The following AMMECR1L variants were observed in gnomAD, a reference collection of about 807,000 sequenced individuals.
AMMECR1L encodes the protein AMMECR1 like.
Under a neutral mutation model 36.8 loss-of-function variants are expected in AMMECR1L, and 4 were observed. The observed-to-expected ratio is 0.11, with a 90% CI of 0.05 to 0.25. AMMECR1L has a LOEUF of 0.25. Among genes scored for constraint, AMMECR1L ranks in the 10% least tolerant of loss-of-function variants. AMMECR1L has a pLI of 1.00. For synonymous variants in AMMECR1L, 147 were observed against 148.0 expected (o/e 0.99, Z 0.05); for missense variants, 232 against 392.1 (o/e 0.59, Z 3.45).
In AMMECR1L at chr2:127,865,071, G is replaced by A. The variant is rs775901771; in HGVS notation, c.*23C>T. The A allele has an allele frequency of 2.5e-6, 4 of 1,578,990 alleles. No individual in the cohort carries two copies. Among genetic ancestry groups the A allele is most frequent in the South Asian group, 2.2e-5 (2 of 89,794 alleles). On this transcript the variant is annotated 3_prime_UTR_variant, in exon 8 of 8. Coordinates refer to ENST00000272647, the MANE Select transcript of AMMECR1L (RefSeq NM_001199140.2). This position sits in a 1 kb window ranked among gnomAD's most constrained non-coding sequence, Gnocchi z 5.4. ...TAGCCATTGGTGGCCACGGGGGGGT[G>A]GGACTGGTCATGCAGCCGTGTGTCA...
At chr2:127,884,138 G>A (rs1261908290) in intron 2 of AMMECR1L, 65 bp downstream of exon 2, 3 of 152,172 alleles carry the variant, frequency 2.0e-5, no homozygotes, top group Non-Finnish European at 4.4e-5. Flanking sequence ...CAAAATCCTA[G>A]CACATGCCTA....
rs13395442 is a variant in AMMECR1L at position 127,882,672 on chromosome 2, C to T, written c.-39+1531G>A. 9.9e-3 allele frequency among the ~76,000 whole-genome samples: 1,512 copies of T among 152,208 alleles called. 25 individuals are homozygous for T. The highest frequency in any genetic ancestry group is 0.034 in the African/African-American group (1,407 of 41,536). Reference sequence around the variant, plus strand: ...GCAGTGGTACAATCACAGCTCAATGCGGCTTTGAACTTCTGTGCTCAAGAG... The same window carrying T: ...GCAGTGGTACAATCACAGCTCAATGTGGCTTTGAACTTCTGTGCTCAAGAG... On this transcript the variant is annotated intron_variant, in intron 2 of 7. Transcript: ENST00000272647.
In AMMECR1L at chr2:127,862,731, A is replaced by C. The variant is rs2104735766; in HGVS notation, c.*2363T>G. The C allele has an allele frequency of 6.6e-6, 1 of 152,468 alleles. No individual in the cohort carries two copies. The highest frequency in any genetic ancestry group is 2.4e-5 in the African/African-American group (1 of 41,464). 9.4% of individuals were successfully genotyped at this position (152,468 alleles called of 1,614,324 possible). A position where few individuals can be genotyped will look rare whatever the true frequency, so the allele number is the denominator to read the frequency against. ...GGAGTAAGGCTTCTTCACTCCAAAA[A>C]CCACTGAGCCCACTTCAGTGTGGTG... On this transcript the variant is annotated 3_prime_UTR_variant, in exon 8 of 8. Coordinates refer to ENST00000272647, the MANE Select transcript of AMMECR1L (RefSeq NM_001199140.2).
intron 1 of AMMECR1L, chr2:127,885,543 C>T (rs1573574163): frequency 1.0e-6 from 1 of 983,028 alleles, no homozygotes; most frequent in African/African-American, 1.7e-5. Context: ...CCGAGCCTCG[C>T]GGCCCGGGGC....
Position 127,869,524 on chromosome 2 carries a change from T to C in AMMECR1L, c.654A>G (p.Arg218=), listed in dbSNP as rs1471124658. 6.2e-7 allele frequency: 1 copy of C among 1,614,052 alleles called. No individual in the cohort carries two copies. Among genetic ancestry groups the C allele is most frequent in the South Asian group, 1.1e-5 (1 of 91,082 alleles). ...LDWEVGVHGI[R]IEFINEKGVK... ...CACCTTTTTCATTAATGAATTCAATTCGAATCCCATGGACCCCTACCTATA... is the reference window on the plus strand; with the variant it reads ...CACCTTTTTCATTAATGAATTCAATCCGAATCCCATGGACCCCTACCTATA... The change falls in exon 6 of 8, where the codon CGA becomes CGG. Residue 218 remains arginine (R), a synonymous_variant. Coordinates refer to ENST00000272647, the MANE Select transcript of AMMECR1L (RefSeq NM_001199140.2). This position sits in a 1 kb window ranked among gnomAD's most constrained non-coding sequence, Gnocchi z 4.7.
In AMMECR1L at chr2:127,885,242, A is replaced by G. The variant is rs1310388894; in HGVS notation, c.-149+568T>C. 2 of 984,848 alleles carry G rather than the reference A, an allele frequency of 2.0e-6. 1 individual carries two copies. The highest frequency in any genetic ancestry group is 9.4e-5 in the South Asian group (2 of 21,268). 61.0% of individuals were successfully genotyped at this position (984,848 alleles called of 1,614,324 possible). ...GTGTGAAGAGTGTTAAGAAAACGAC[A>G]GGACAGAGCGGGGAGGGGAAAAGCG... On this transcript the variant is annotated intron_variant, in intron 1 of 7. Coordinates refer to ENST00000272647, the MANE Select transcript of AMMECR1L (RefSeq NM_001199140.2).
In AMMECR1L at chr2:127,875,155, AT is replaced by A. The variant is rs34145290; in HGVS notation, c.-38-884del. On this transcript the variant is annotated intron_variant, in intron 2 of 7. Coordinates refer to ENST00000272647, the MANE Select transcript of AMMECR1L (RefSeq NM_001199140.2). ...CTGATGATGCGAAGGGAAGGAAGGGATTTTTTTTTTAATTGTTTTTTTCTTT... is the reference window on the plus strand; with the variant it reads ...CTGATGATGCGAAGGGAAGGAAGGGATTTTTTTTTAATTGTTTTTTTCTTT... Among the ~76,000 whole-genome samples the A allele has an allele frequency of 2.2e-4, 33 of 150,454 alleles. 1 individual carries two copies. The highest frequency in any genetic ancestry group is 6.1e-4 in the African/African-American group (25 of 40,970).
At position 127,885,846 on chromosome 2, in the gene AMMECR1L, G is replaced by A; in HGVS notation, c.-185C>T. On this transcript the variant is annotated 5_prime_UTR_variant, in exon 1 of 8. Transcript: ENST00000272647. ...GCCCAGACGCGGCTGGGGCGGACGG[G>A]ACCTCTCGCGCTCTGCCTCCTCCTC... 3.0e-6 allele frequency: 3 copies of A among 985,710 alleles called. No individual in the cohort carries two copies. Among genetic ancestry groups the A allele is most frequent in the Non-Finnish European group, 3.6e-6 (3 of 829,904 alleles). The allele number at this position is 985,710 out of a possible 1,614,324, so 61.1% of individuals were successfully genotyped here. A position where few individuals can be genotyped will look rare whatever the true frequency, so the allele number is the denominator to read the frequency against.
rs917631115 is a variant in AMMECR1L at position 127,862,027 on chromosome 2, T to C, written c.*3067A>G. On this transcript the variant is annotated 3_prime_UTR_variant, in exon 8 of 8. Coordinates refer to ENST00000272647, the MANE Select transcript of AMMECR1L (RefSeq NM_001199140.2). ...AAAGGGTCTCTAACATGAGTTGTTT[T>C]ATTATTATGAAGCAAAAAAGTTTTA... 1 of 152,640 alleles carries C rather than the reference T, an allele frequency of 6.6e-6. No individual in the cohort carries two copies. The highest frequency in any genetic ancestry group is 1.5e-5 in the Non-Finnish European group (1 of 68,046). The allele number at this position is 152,640 out of a possible 1,614,324, so 9.5% of individuals were successfully genotyped here.
rs1022201646 is a variant in AMMECR1L, at chr2:127,870,849, T to C, written c.598A>G (p.Asn200Asp). 32 of 1,612,936 alleles carry C rather than the reference T, an allele frequency of 2.0e-5. No homozygotes were observed. The highest frequency in any genetic ancestry group is 1.3e-5 in the African/African-American group (1 of 74,762). Residue 200 changes from asparagine (N) to aspartate (D), a missense_variant, in exon 5 of 8, where the codon AAC (asparagine) becomes GAC (aspartate). Transcript: ENST00000272647. ...AGGTAATCACTGGCATCCTCAAAGT[T>C]AGTAAGGAGGGAGACAGAGCAGAAA... ...KLFCSVSLLT[N>D]FEDASDYLDW...
chr2:127,861,681 G>A lies in AMMECR1L; in HGVS notation c.*3413C>T, dbSNP rs1690475118. On this transcript the variant is annotated 3_prime_UTR_variant, in exon 8 of 8. Coordinates refer to ENST00000272647, the MANE Select transcript of AMMECR1L (RefSeq NM_001199140.2). ...ACAATACTTCGTTAAAGTGTTCAAT[G>A]ATTTGCACTCAGAAGTTATATAGCC... 1 of 152,194 alleles carries A rather than the reference G, an allele frequency of 6.6e-6. No homozygotes were observed. The allele number at this position is 152,194 out of a possible 1,614,324, so 9.4% of individuals were successfully genotyped here.
At chr2:127,866,750 T>G in intron 7 of AMMECR1L, 150 bp downstream of exon 7, 1 of 759,480 alleles carries the variant, frequency 1.3e-6, no homozygotes, top group Non-Finnish European at 2.2e-6. Context: ...CTGCCTTTGC[T>G]GCCACTGCTT....
Position 127,874,142 on chromosome 2 carries a change from C to T in AMMECR1L, c.93G>A (p.Thr31=), listed in dbSNP as rs139441644. 33 of 1,614,164 alleles carry T rather than the reference C, an allele frequency of 2.0e-5. No individual in the cohort carries two copies. Among genetic ancestry groups the T allele is most frequent in the South Asian group, 5.5e-5 (5 of 91,074 alleles). The change falls in exon 3 of 8, where the codon ACG becomes ACA. Residue 31 remains threonine (T), a synonymous_variant. Transcript: ENST00000272647. The surrounding 1 kb of genome is among the most constrained non-coding windows in gnomAD (Gnocchi z 5.2). ...TTGTGGACTGATTCCCGTGACTGTG[C>T]GTTCCACTTCCAGATAATTTGGGCT... is the stretch of plus-strand genomic sequence containing the variant. The part of the protein sequence containing the change: ...VKKPKLSGSG[T]HSHGNQSTTV...
At chr2:127,868,071 G>A (rs917593184) in intron 6 of AMMECR1L, among the ~76,000 whole-genome samples, 5 of 152,082 alleles carry the variant, frequency 3.3e-5, no homozygotes, top group East Asian at 1.9e-4. Context: ...ACGAGGTTTC[G>A]CCACCAGACT....
chr2:127,878,462 A>G (rs1691348307), intron 2 of AMMECR1L, among the ~76,000 whole-genome samples: 1 of 152,232 alleles, frequency 6.6e-6, no homozygotes, highest in Non-Finnish European at 1.5e-5. Flanking sequence ...CATCATTCTC[A>G]TTACACCAAA....
intron 6 of AMMECR1L, among the ~76,000 whole-genome samples, chr2:127,867,902 C>G (rs760708836): frequency 6.6e-6 from 1 of 152,158 alleles, no homozygotes; most frequent in Non-Finnish European, 1.5e-5. Context: ...GACAGGTTCT[C>G]ACTCCTGTCA....
Position 127,874,369 on chromosome 2 carries a change from G to C in AMMECR1L, c.-38-97C>G, listed in dbSNP as rs554223578. 3 of 1,197,470 alleles carry C rather than the reference G, an allele frequency of 2.5e-6. No individual in the cohort carries two copies. Among genetic ancestry groups the C allele is most frequent in the Non-Finnish European group, 3.4e-6 (3 of 872,610 alleles). 74.2% of individuals were successfully genotyped at this position (1,197,470 alleles called of 1,614,324 possible). On this transcript the variant is annotated intron_variant, in intron 2 of 7. Transcript: ENST00000272647. This position sits in a 1 kb window ranked among gnomAD's most constrained non-coding sequence, Gnocchi z 5.2. ...GAGAGTCTGCATTGACCAGCTAAGA[G>C]CTGTCAAATTCTTTCTCCCACTCAA...
At chr2:127,879,884 C>T (rs745709673) in intron 2 of AMMECR1L, among the ~76,000 whole-genome samples, 3 of 152,168 alleles carry the variant, frequency 2.0e-5, no homozygotes, top group Non-Finnish European at 4.4e-5. Flanking sequence ...AAAACAAATG[C>T]TCCACTTAAT....
chr2:127,872,965 G>A, intron 3 of AMMECR1L: 1 of 973,690 alleles, frequency 1.0e-6, no homozygotes, highest in African/African-American at 1.8e-5. Context: ...CCTTAGCTCT[G>A]TGCGTGTGTG....
Sources: allele counts gnomAD v4.1 joint callset (sites outside exome capture counted in the v4.1 genomes callset), GRCh38; gene constraint gnomAD v4.1.1; non-coding constraint Gnocchi (gnomAD v3.1); transcripts MANE v1.5; gene names NCBI Gene and HGNC (gene_info 2026-07-23, HGNC 2026-07-21).